Variants in VPS39 observed in about 807,000 individuals in gnomAD.
VPS39 encodes VPS39 subunit of HOPS complex, also known as vam6/Vps39-like protein.
In VPS39, 70 loss-of-function variants were observed where a neutral mutation model predicts 121.0. The ratio of observed to expected loss-of-function variants is 0.58; its 90% CI spans 0.48 to 0.71. The LOEUF is 0.71. Ranked by LOEUF, VPS39 falls within the 30% of genes least tolerant of loss-of-function variation. The pLI is 0.00. For synonymous variants in VPS39, 378 were observed against 398.1 expected (o/e 0.95, Z 0.60); for missense variants, 818 against 1,051.5 (o/e 0.78, Z 3.07).
At chr15:42,198,409 G>C (rs911208724) in intron 2 of VPS39, among the ~76,000 whole-genome samples, 2 of 152,088 alleles carry the variant, frequency 1.3e-5, no homozygotes, top group African/African-American at 4.8e-5. Flanking sequence ...GGAGAGCAAT[G>C]GTGTGATCAT....
chr15:42,192,657 G>C (rs969154486), intron 2 of VPS39, among the ~76,000 whole-genome samples: 1 of 152,126 alleles, frequency 6.6e-6, no homozygotes, highest in African/African-American at 2.4e-5. Flanking sequence ...GTTGCAGGGA[G>C]TGTGCCCTGG....
chr15:42,161,880 C>T, intron 23 of VPS39, 107 bp from the exon 24 acceptor site: 10 of 1,591,182 alleles, frequency 6.3e-6, no homozygotes, highest in East Asian at 2.2e-5. Flanking sequence ...GATTCTTCTG[C>T]TTAGAACATT....
At position 42,159,008 on chromosome 15, in the gene VPS39, G is replaced by A. The variant is rs763482665; in HGVS notation, c.*1746C>T. On this transcript the variant is annotated 3_prime_UTR_variant, in exon 25 of 25. Transcript: ENST00000318006. ...CTGCTATCCAGGGAGGTGGCCCAGA[G>A]CTTCCCTGCTGCTCCTGGAGGAAGC... The A allele has an allele frequency of 6.6e-6, 1 of 152,278 alleles. No individual in the cohort carries two copies. Among genetic ancestry groups the A allele is most frequent in the Non-Finnish European group, 1.5e-5 (1 of 68,072 alleles). The allele number at this position is 152,278 out of a possible 1,614,324, so 9.4% of individuals were successfully genotyped here.
Position 42,178,377 on chromosome 15 carries a change from G to A in VPS39, c.840-39C>T, listed in dbSNP as rs369948041. 6.8e-6 allele frequency: 11 copies of A among 1,613,926 alleles called. No homozygotes were observed. In the South Asian group the frequency reaches 8.8e-5, roughly 13 times the overall value. On this transcript the variant is annotated intron_variant, in intron 9 of 24. Coordinates refer to ENST00000318006, the MANE Select transcript of VPS39 (RefSeq NM_015289.5). ...TAAGAATATTAGCAAAAGATCACAG[G>A]CTTTGTGATGACACAGGTGACTTTA...
intron 2 of VPS39, among the ~76,000 whole-genome samples, chr15:42,192,292 A>T (rs991481196): frequency 1.3e-5 from 2 of 151,808 alleles, no homozygotes; most frequent in Admixed American, 6.6e-5. Flanking sequence ...ATTTATATAT[A>T]TTTTTTTCTG....
rs748926965 is a variant in VPS39, at chr15:42,173,810, G to T, written c.1003C>A (p.His335Asn). 38 of 1,614,078 alleles carry T rather than the reference G, an allele frequency of 2.4e-5. No homozygotes were observed. In the South Asian group the frequency reaches 4.1e-4, roughly 17 times the overall value. The change falls in exon 11 of 25, where the codon CAT (histidine) becomes AAT (asparagine). Residue 335 changes from histidine (H) to asparagine (N), a missense_variant. Transcript: ENST00000318006. ...AAGGCATACAAGTTCTTGATGTGAT[G>T]AATTTGTTGCTGCTTTTCACTGTCA... ...DSDSEKQQQIHHIKNLYAFNL... is the reference protein window; with the variant it reads ...DSDSEKQQQINHIKNLYAFNL...
Position 42,160,733 on chromosome 15 carries a change from T to A in VPS39, c.*21A>T. 1 of 1,611,278 alleles carries A rather than the reference T, an allele frequency of 6.2e-7. No homozygotes were observed. Among genetic ancestry groups the A allele is most frequent in the South Asian group, 1.1e-5 (1 of 91,016 alleles). ...TGGGAGAGCCAAGCTGTCCATCCGC[T>A]GGATCCCCAGGATGCTGGGCTCAAG... On this transcript the variant is annotated 3_prime_UTR_variant, in exon 25 of 25. Transcript: ENST00000318006.
intron 12 of VPS39, among the ~76,000 whole-genome samples, chr15:42,169,358 T>C (rs1182965218): frequency 6.6e-6 from 1 of 152,250 alleles, no homozygotes; most frequent in Non-Finnish European, 1.5e-5. Context: ...TGTGTGTGTT[T>C]TCCAAGTGGT....
chr15:42,192,655 G>C (rs2049852139), intron 2 of VPS39, among the ~76,000 whole-genome samples: 1 of 152,128 alleles, frequency 6.6e-6, no homozygotes, highest in African/African-American at 2.4e-5. Context: ...AAGTTGCAGG[G>C]AGTGTGCCCT....
chr15:42,206,878 T>A (rs2050184301), intron 1 of VPS39, among the ~76,000 whole-genome samples: 1 of 152,208 alleles, frequency 6.6e-6, no homozygotes, highest in Non-Finnish European at 1.5e-5. Context: ...AGGTCTTTCA[T>A]TTAAAAACTT....
At chr15:42,179,772 T>C (rs903067226) in intron 8 of VPS39, among the ~76,000 whole-genome samples, 2 of 152,122 alleles carry the variant, frequency 1.3e-5, no homozygotes, top group South Asian at 4.1e-4. Flanking sequence ...GGTGTGATGC[T>C]CCACCTGATG....
chr15:42,199,590 G>T, intron 2 of VPS39: 1 of 469,878 alleles, frequency 2.1e-6, no homozygotes, highest in Non-Finnish European at 4.3e-6. Context: ...TCTTATTATT[G>T]GTAGTGAGTC....
intron 2 of VPS39, among the ~76,000 whole-genome samples, chr15:42,196,650 C>T (rs564229886): frequency 7.4e-4 from 113 of 152,212 alleles, no homozygotes; most frequent in South Asian, 1.9e-3. Flanking sequence ...GTTAGAATGG[C>T]GATCATTAAA....
intron 10 of VPS39, among the ~76,000 whole-genome samples, chr15:42,174,270 A>G (rs1019637763): frequency 1.3e-5 from 2 of 152,224 alleles, no homozygotes; most frequent in South Asian, 2.1e-4. Context: ...AAAATAAAAC[A>G]AAGTGTACAA....
chr15:42,186,923 T>C (rs2049715515), intron 7 of VPS39, among the ~76,000 whole-genome samples: 1 of 152,266 alleles, frequency 6.6e-6, no homozygotes, highest in Non-Finnish European at 1.5e-5. Context: ...TACTTAAGTT[T>C]ATACTAAAAT....
chr15:42,169,969 TAAAA>T, intron 11 of VPS39, 103 bp from the exon 12 acceptor site: 3 of 952,060 alleles, frequency 3.2e-6, no homozygotes, highest in South Asian at 6.6e-5. Context: ...CAGACTGATT[TAAAA>T]AAAAAAAAAA....
At position 42,166,555 on chromosome 15, in the gene VPS39, G is replaced by A. The variant is rs200887223; in HGVS notation, c.1606+8C>T. The stretch of plus-strand genomic sequence containing the variant: ...CGCTTTCCCACCCCTTTCAAAAGGC[G>A]GACTTACCCAGATGCTGCAGATACT... On this transcript the variant is annotated splice_region_variant and intron_variant, in intron 15 of 24. Coordinates refer to ENST00000318006, the MANE Select transcript of VPS39 (RefSeq NM_015289.5). 4.0e-5 allele frequency: 64 copies of A among 1,613,968 alleles called. No individual in the cohort carries two copies. In the East Asian group the frequency reaches 4.5e-4, roughly 11 times the overall value.
intron 18 of VPS39, 104 bp downstream of exon 18, chr15:42,164,891 TG>T (rs1355216739): frequency 3.3e-5 from 51 of 1,533,990 alleles, no homozygotes; most frequent in Non-Finnish European, 4.0e-5. Flanking sequence ...TCTGCGCACC[TG>T]GGCAGAGAAT....
At chr15:42,181,158 A>T (rs1375296156) in intron 8 of VPS39, among the ~76,000 whole-genome samples, 1 of 152,208 alleles carries the variant, frequency 6.6e-6, no homozygotes, top group African/African-American at 2.4e-5. Flanking sequence ...TGTGGTATAT[A>T]CACACAGTGG....
Sources: gnomAD v4.1 joint callset for allele counts (sites outside exome capture counted in the v4.1 genomes callset) on GRCh38, gnomAD v4.1.1 for gene constraint, MANE v1.5 for transcripts, NCBI Gene and HGNC (gene_info 2026-07-23, HGNC 2026-07-21) for gene names.